Variants in RYR1 observed in about 807,000 individuals in gnomAD.
RYR1 encodes the protein central core disease of muscle.
Under a neutral mutation model 583.5 loss-of-function variants are expected in RYR1, and 342 were observed. That is an observed-to-expected ratio of 0.59 (90% CI 0.54 to 0.64). The LOEUF is 0.64. Ranked by LOEUF, RYR1 falls within the 30% of genes least tolerant of loss-of-function variation. RYR1 has a pLI of 0.00. For missense variants in RYR1, 6,032 were observed against 6,917.2 expected (o/e 0.87, Z 4.54); for synonymous variants, 2,791 against 2,822.5 (o/e 0.99, Z 0.35).
Position 38,499,430 on chromosome 19 carries a change from G to A in RYR1, c.7027+187G>A, listed in dbSNP as rs1360021182. 6.7e-6 allele frequency among the ~76,000 whole-genome samples: 1 copy of A among 148,556 alleles called. No individual in the cohort carries two copies. The highest frequency in any genetic ancestry group is 1.5e-5 in the Non-Finnish European group (1 of 66,936). On this transcript the variant is annotated intron_variant, in intron 43 of 105. Coordinates refer to ENST00000359596, the MANE Select transcript of RYR1 (RefSeq NM_000540.3). This position sits in a 1 kb window ranked among gnomAD's most constrained non-coding sequence, Gnocchi z 7.3. ...TTGGGTCCTGTGGCTGGCAGTGTTG[G>A]ATCCTGGGGCTGGCGGGAGCCTGGT...
chr19:38,566,448 C>CAAAAAAA (rs71165563), intron 91 of RYR1, among the ~76,000 whole-genome samples: 2 of 51,066 alleles, frequency 3.9e-5, no homozygotes, highest in Admixed American at 2.6e-4. Context: ...GACTCTGTCT[C>CAAAAAAA]AAAAAAAAAA....
chr19:38,524,968 C>T (rs555794550), intron 70 of RYR1, among the ~76,000 whole-genome samples: 9 of 152,166 alleles, frequency 5.9e-5, no homozygotes, highest in African/African-American at 2.2e-4. Flanking sequence ...GCCAGGCAAG[C>T]ATGGTGGTAT....
intron 91 of RYR1, among the ~76,000 whole-genome samples, chr19:38,566,558 T>C (rs1973447257): frequency 6.8e-6 from 1 of 147,732 alleles, no homozygotes; most frequent in Non-Finnish European, 1.5e-5. Context: ...ATACTCGTTG[T>C]GGGAATGAAG....
chr19:38,447,702 G>T (rs537073354), intron 9 of RYR1, among the ~76,000 whole-genome samples: 1 of 151,444 alleles, frequency 6.6e-6, no homozygotes, highest in South Asian at 2.1e-4. Flanking sequence ...TTAGCCAGGC[G>T]GTAGTGGCAC....
intron 64 of RYR1, among the ~76,000 whole-genome samples, chr19:38,515,706 A>G (rs1419227258): frequency 1.3e-5 from 2 of 152,038 alleles, no homozygotes; most frequent in Admixed American, 6.6e-5. Flanking sequence ...ACCTACTCCT[A>G]AGGCTGAGAT....
chr19:38,487,332 T>G (rs1969345061), intron 34 of RYR1, among the ~76,000 whole-genome samples: 1 of 152,184 alleles, frequency 6.6e-6, no homozygotes, highest in Non-Finnish European at 1.5e-5. Flanking sequence ...CATTTATATA[T>G]CCATCTTTTT....
chr19:38,488,650 C>T (rs1969407583), intron 34 of RYR1, among the ~76,000 whole-genome samples: 1 of 152,084 alleles, frequency 6.6e-6, no homozygotes, highest in Admixed American at 6.6e-5. Flanking sequence ...TACAGGCGTG[C>T]ACCACCACAC....
Position 38,446,502 on chromosome 19 carries a change from T to C in RYR1, c.662T>C (p.Leu221Pro). ...GFVTGGHVLRLFHGHMDECLT... is the reference protein window; with the variant it reads ...GFVTGGHVLRPFHGHMDECLT... ...GTGACGGGAGGTCACGTCCTCCGCC[T>C]CTTTCATGGACATATGGATGAGTGT... The change falls in exon 8 of 106, where the codon CTC becomes CCC. Residue 221 changes from leucine to proline, a missense_variant. Around this residue, in one of 11 missense-constraint regions of RYR1, gnomAD observed 338 missense variants for 441.6 expected, o/e 0.77. Transcript: ENST00000359596. The C allele has an allele frequency of 6.2e-7, 1 of 1,614,154 alleles. No homozygotes were observed. The highest frequency in any genetic ancestry group is 8.5e-7 in the Non-Finnish European group (1 of 1,180,006).
At chr19:38,583,254 G>A (rs938028425) in intron 101 of RYR1, among the ~76,000 whole-genome samples, 16 of 147,446 alleles carry the variant, frequency 1.1e-4, no homozygotes, top group African/African-American at 3.5e-4. Flanking sequence ...CCGAGATCAC[G>A]CCATTGCACT....
At position 38,494,470 on chromosome 19, in the gene RYR1, G is replaced by A. The variant is rs759785005; in HGVS notation, c.6393G>A (p.Leu2131=). The A allele has an allele frequency of 3.1e-6, 5 of 1,612,818 alleles. No individual in the cohort carries two copies. In the African/African-American group the frequency reaches 6.7e-5, roughly 22 times the overall value. ...TCCTGCACCGGCAGTACGACGGGCT[G>A]GGTGAGCTGCTGCGTGCCCTGCCGC... ...FSLLHRQYDG[L]GELLRALPRA... is the part of the protein sequence containing the mutation. Residue 2131 remains leucine, a synonymous_variant, in exon 39 of 106, where the codon CTG becomes CTA. Transcript: ENST00000359596.
At chr19:38,497,226 T>C (rs11879442) in intron 42 of RYR1, among the ~76,000 whole-genome samples, 1 of 151,646 alleles carries the variant, frequency 6.6e-6, no homozygotes, top group Non-Finnish European at 1.5e-5. Flanking sequence ...GGATCCGCAC[T>C]CTAACTTCCA....
chr19:38,455,108 G>C, intron 13 of RYR1, 127 bp from the exon 14 acceptor site: 1 of 1,122,254 alleles, frequency 8.9e-7, no homozygotes, highest in Non-Finnish European at 1.3e-6. Context: ...AACCAAAGGG[G>C]CTGATTTAGA....
intron 101 of RYR1, among the ~76,000 whole-genome samples, chr19:38,581,922 C>T (rs1239172786): frequency 1.3e-5 from 2 of 152,046 alleles, no homozygotes; most frequent in Non-Finnish European, 2.9e-5. Context: ...TTGAGCTTTT[C>T]AAACTATTAT....
chr19:38,535,117 T>A, intron 79 of RYR1, 24 bp from the exon 80 acceptor site: 1 of 1,611,152 alleles, frequency 6.2e-7, no homozygotes, highest in South Asian at 1.1e-5. Context: ...GGGTGGACCA[T>A]CTTTTTTCTC....
intron 37 of RYR1, 93 bp downstream of exon 37, chr19:38,490,825 A>T (rs950440834): frequency 1.3e-6 from 1 of 794,754 alleles, no homozygotes; most frequent in Non-Finnish European, 2.2e-6. Flanking sequence ...AACCCTCTAC[A>T]GTATCGGTGC....
intron 11 of RYR1, among the ~76,000 whole-genome samples, chr19:38,449,185 C>T (rs1966949865): frequency 6.6e-6 from 1 of 152,078 alleles, no homozygotes; most frequent in Non-Finnish European, 1.5e-5. Flanking sequence ...CACGGCCGGG[C>T]GTGGTGGCTC....
Position 38,519,312 on chromosome 19 carries a change from G to A in RYR1, c.10117G>A (p.Val3373Met). ...GRLRKRAGKVVSEEEQLRLEA... is the reference protein window; with the variant it reads ...GRLRKRAGKVMSEEEQLRLEA... ...GCTGCGCAAGAGGGCAGGGAAGGTG[G>A]TGTCCGAGGAGGAGCAGCTGCGCCT... Residue 3373 changes from valine to methionine, a missense_variant, in exon 67 of 106, where the codon GTG becomes ATG. Around this residue, in one of 11 missense-constraint regions of RYR1, gnomAD observed 1,493 missense variants for 1,715.5 expected, o/e 0.87. Coordinates refer to ENST00000359596, the MANE Select transcript of RYR1 (RefSeq NM_000540.3). The A allele has an allele frequency of 6.2e-7, 1 of 1,613,976 alleles. No homozygotes were observed. The highest frequency in any genetic ancestry group is 8.5e-7 in the Non-Finnish European group (1 of 1,179,928).
intron 34 of RYR1, among the ~76,000 whole-genome samples, chr19:38,486,831 T>A (rs1044047779): frequency 1.3e-5 from 2 of 152,128 alleles, no homozygotes; most frequent in African/African-American, 4.8e-5. Context: ...CACCCATTCA[T>A]CCTATCCATT....
rs570920139 is a variant in RYR1, at chr19:38,483,038, C to T, written c.4632C>T (p.Asn1544=). Reference sequence around the variant, plus strand: ...TTCTCCTCTGCCAGGTGGAACCCAACACTAAGCTATTTCCTGCCGTCTTCG... The same window carrying T: ...TTCTCCTCTGCCAGGTGGAACCCAATACTAAGCTATTTCCTGCCGTCTTCG... The part of the protein sequence containing the change: ...ESNTFFQVEP[N]TKLFPAVFVL... The change falls in exon 32 of 106, where the codon AAC becomes AAT. Residue 1544 remains asparagine (N), a synonymous_variant. Coordinates refer to ENST00000359596, the MANE Select transcript of RYR1 (RefSeq NM_000540.3). The surrounding 1 kb of genome is among the most constrained non-coding windows in gnomAD (Gnocchi z 6.3). 1.2e-5 allele frequency: 19 copies of T among 1,614,114 alleles called. No homozygotes were observed. The African/African-American group carries it at 1.6e-4, about 14-fold the overall frequency.
Sources: gnomAD v4.1 joint callset for allele counts (sites outside exome capture counted in the v4.1 genomes callset) on GRCh38, gnomAD v4.1.1 for gene constraint, gnomAD v4.1.1 regional missense constraint, Gnocchi (gnomAD v3.1) non-coding constraint, MANE v1.5 for transcripts, NCBI Gene and HGNC (gene_info 2026-07-23, HGNC 2026-07-21) for gene names.